Variants in ATXN1 observed in about 807,000 individuals in gnomAD.
ATXN1 encodes the protein ataxin-1.
In ATXN1, 8 loss-of-function variants were observed where a neutral mutation model predicts 56.4. The observed-to-expected ratio is 0.14, with a 90% confidence interval of 0.08 to 0.26. The LOEUF (loss-of-function observed/expected upper bound fraction) is 0.26. Ranked by LOEUF, ATXN1 falls within the 10% of genes least tolerant of loss-of-function variation. ATXN1 has a pLI of 1.00. For missense variants in ATXN1, 987 were observed against 1,106.5 expected (o/e 0.89, Z 1.53); for synonymous variants, 514 against 494.6 (o/e 1.04, Z -0.52).
rs375073915 is a variant in ATXN1 at position 16,674,046 on chromosome 6, G to A, written c.-614-16145C>T. Reference sequence around the variant, plus strand: ...CTCCCATACATGGAAATGCTCTAACGTGTTTTATATATATATATATTCTTA... The same window carrying A: ...CTCCCATACATGGAAATGCTCTAACATGTTTTATATATATATATATTCTTA... On this transcript the variant is annotated intron_variant, in intron 2 of 7. Transcript: ENST00000436367. Among the ~76,000 whole-genome samples the A allele has an allele frequency of 5.3e-5, 8 of 150,268 alleles. No homozygotes were observed. The East Asian group carries it at 1.4e-3, about 26-fold the overall frequency.
chr6:16,680,083 T>C (rs1211754033), intron 2 of ATXN1, among the ~76,000 whole-genome samples: 1 of 152,222 alleles, frequency 6.6e-6, no homozygotes, highest in Non-Finnish European at 1.5e-5. Context: ...TTTCCTAGTT[T>C]TTCACTGTCT....
intron 3 of ATXN1, among the ~76,000 whole-genome samples, chr6:16,628,229 A>G (rs899721842): frequency 3.3e-5 from 5 of 152,116 alleles, no homozygotes; most frequent in Non-Finnish European, 5.9e-5. Flanking sequence ...TCCAAATTCA[A>G]TGTGAATTTT....
chr6:16,675,023 G>T (rs1183685640), intron 2 of ATXN1, among the ~76,000 whole-genome samples: 1 of 152,140 alleles, frequency 6.6e-6, no homozygotes, highest in African/African-American at 2.4e-5. Context: ...ATCTTAAACA[G>T]ACTGCAGCTT....
intron 5 of ATXN1, among the ~76,000 whole-genome samples, chr6:16,488,822 T>C (rs956216667): frequency 3.9e-5 from 6 of 152,166 alleles, no homozygotes; most frequent in Non-Finnish European, 7.3e-5. Context: ...TTAACAATAT[T>C]CCACATTCAA....
chr6:16,674,510 C>T (rs538405271), intron 2 of ATXN1, among the ~76,000 whole-genome samples: 29 of 147,824 alleles, frequency 2.0e-4, no homozygotes, highest in African/African-American at 6.2e-4. Context: ...CCACCACGCC[C>T]AGCTAATTTT....
intron 3 of ATXN1, among the ~76,000 whole-genome samples, chr6:16,601,125 T>C (rs932512900): frequency 2.0e-4 from 31 of 152,138 alleles, no homozygotes; most frequent in African/African-American, 6.3e-4. Context: ...ACCTAGCTGG[T>C]AAAAGGTGTT....
intron 3 of ATXN1, among the ~76,000 whole-genome samples, chr6:16,597,246 A>C (rs1762831990): frequency 6.6e-6 from 1 of 152,214 alleles, no homozygotes; most frequent in Non-Finnish European, 1.5e-5. Context: ...GTCAGCCGCA[A>C]GAATCTCCGG....
At chr6:16,632,042 T>C (rs73367622) in intron 3 of ATXN1, among the ~76,000 whole-genome samples, 9,933 of 152,228 alleles carry the variant, frequency 0.065, 627 homozygotes, top group African/African-American at 0.16. Flanking sequence ...ACAAAAGCAA[T>C]AATGCTTACT....
At chr6:16,454,123 CTCAAAAAA>C (rs1759814926) in intron 6 of ATXN1, among the ~76,000 whole-genome samples, 1 of 73,656 alleles carries the variant, frequency 1.4e-5, no homozygotes, top group Non-Finnish European at 2.4e-5. Context: ...GAGACTCTGT[CTCAAAAAA>C]AAAAAAAAAA....
At chr6:16,465,268 C>G (rs1760080988) in intron 6 of ATXN1, among the ~76,000 whole-genome samples, 1 of 152,112 alleles carries the variant, frequency 6.6e-6, no homozygotes, top group African/African-American at 2.4e-5. Context: ...ACCAGCCTGG[C>G]CAACATGGTG....
chr6:16,312,300 T>C (rs1321724424), intron 7 of ATXN1, among the ~76,000 whole-genome samples: 16 of 152,316 alleles, frequency 1.1e-4, no homozygotes, highest in Non-Finnish European at 5.9e-5. Flanking sequence ...TTTCATTATT[T>C]CCGCATCTCA....
At chr6:16,707,172 T>G (rs1015065628) in intron 2 of ATXN1, among the ~76,000 whole-genome samples, 2 of 152,100 alleles carry the variant, frequency 1.3e-5, no homozygotes, top group African/African-American at 4.8e-5. Context: ...TAGCATCTAT[T>G]TTTTTTAATT....
At chr6:16,568,831 T>C (rs1324479678) in intron 4 of ATXN1, among the ~76,000 whole-genome samples, 1 of 151,968 alleles carries the variant, frequency 6.6e-6, no homozygotes, top group African/African-American at 2.4e-5. Flanking sequence ...TAATAAAGAG[T>C]TCAGTTCAGT....
chr6:16,688,065 G>A (rs1758957418), intron 2 of ATXN1, among the ~76,000 whole-genome samples: 1 of 152,168 alleles, frequency 6.6e-6, no homozygotes, highest in South Asian at 2.1e-4. Context: ...ACCCCTGGTT[G>A]AGAACTTACT....
At position 16,347,930 on chromosome 6, in the gene ATXN1, A is replaced by G. The variant is rs563075043; in HGVS notation, c.-160-19460T>C. On this transcript the variant is annotated intron_variant, in intron 6 of 7. Transcript: ENST00000436367. ...CTGCTGCTGTTCACTCTTTGGATCT[A>G]TACTGCCTGTATGAGCTATAACACT... Among the ~76,000 whole-genome samples the G allele has an allele frequency of 3.9e-4, 60 of 152,280 alleles. No individual in the cohort carries two copies. In the South Asian group the frequency reaches 0.011, roughly 29 times the overall value.
At chr6:16,522,102 T>G (rs139418848) in intron 5 of ATXN1, among the ~76,000 whole-genome samples, 5 of 152,220 alleles carry the variant, frequency 3.3e-5, no homozygotes, top group African/African-American at 9.6e-5. Context: ...CACACCAGTA[T>G]CAAAATCCTA....
rs1180549693 is a variant in ATXN1 at position 16,326,379 on chromosome 6, C to T, written c.1917+15G>A. The T allele has an allele frequency of 6.2e-7, 1 of 1,611,210 alleles. No individual in the cohort carries two copies. Among genetic ancestry groups the T allele is most frequent in the South Asian group, 1.1e-5 (1 of 91,028 alleles). ...GTGTGGTGTCCCATCCCTGTGCCAC[C>T]CTGGCTAACGTTACCTGGGCTCGGT... is the stretch of plus-strand genomic sequence containing the variant. On this transcript the variant is annotated intron_variant, in intron 7 of 7. Coordinates refer to ENST00000436367, the MANE Select transcript of ATXN1 (RefSeq NM_001128164.2). This position sits in a 1 kb window ranked among gnomAD's most constrained non-coding sequence, Gnocchi z 6.6.
At chr6:16,468,520 CCATCAAATTGTTAT>C (rs1760154414) in intron 6 of ATXN1, among the ~76,000 whole-genome samples, 1 of 152,070 alleles carries the variant, frequency 6.6e-6, no homozygotes, top group South Asian at 2.1e-4. Flanking sequence ...AAGGGAAGTA[CCATCAAATTGTTAT>C]CAGAGTAACT....
chr6:16,499,653 C>T (rs1340832928), intron 5 of ATXN1, among the ~76,000 whole-genome samples: 2 of 152,214 alleles, frequency 1.3e-5, no homozygotes, highest in South Asian at 4.1e-4. Context: ...CCAAGCCCGA[C>T]ACCCACCCAT....
Sources: allele counts gnomAD v4.1 joint callset (sites outside exome capture counted in the v4.1 genomes callset), GRCh38; gene constraint gnomAD v4.1.1; non-coding constraint Gnocchi (gnomAD v3.1); transcripts MANE v1.5; gene names NCBI Gene and HGNC (gene_info 2026-07-23, HGNC 2026-07-21).